The following COLGALT2 variants were observed in gnomAD, a reference collection of about 807,000 sequenced individuals.
The protein encoded by COLGALT2 is procollagen galactosyltransferase 2.
A neutral mutation model predicts 73.4 loss-of-function variants in COLGALT2; 49 were observed. That is an observed-to-expected ratio of 0.67 (90% CI 0.53 to 0.85). The LOEUF is 0.85. Ranked by LOEUF, COLGALT2 falls within the 40% of genes least tolerant of loss-of-function variation. The pLI is 0.00. For synonymous variants in COLGALT2, 295 were observed against 307.6 expected (o/e 0.96, Z 0.43); for missense variants, 722 against 790.2 (o/e 0.91, Z 1.03).
At chr1:183,939,610 C>T (rs1670054442) in intron 11 of COLGALT2, among the ~76,000 whole-genome samples, 1 of 152,174 alleles carries the variant, frequency 6.6e-6, no homozygotes, top group African/African-American at 2.4e-5. Context: ...AATGGTTTGA[C>T]CTCCATGTTT....
At chr1:184,008,532 C>A (rs1427266449) in intron 1 of COLGALT2, among the ~76,000 whole-genome samples, 1 of 152,010 alleles carries the variant, frequency 6.6e-6, no homozygotes, top group Non-Finnish European at 1.5e-5. Flanking sequence ...AAGTTTGAGA[C>A]CAGCCTGAGC....
chr1:183,939,564 A>G (rs1403029532), intron 11 of COLGALT2, among the ~76,000 whole-genome samples: 2 of 152,182 alleles, frequency 1.3e-5, no homozygotes, highest in African/African-American at 2.4e-5. Flanking sequence ...ATGAGGTGAC[A>G]TCTGAATGTA....
intron 10 of COLGALT2, among the ~76,000 whole-genome samples, chr1:183,943,897 G>C (rs1670180325): frequency 6.6e-6 from 1 of 152,142 alleles, no homozygotes; most frequent in Admixed American, 6.5e-5. Context: ...GATTTCTGCT[G>C]TGCTCCTAAG....
chr1:184,037,415 C>T lies in COLGALT2; in HGVS notation c.-58G>A, dbSNP rs114661926. Reference sequence around the variant, plus strand: ...TGGCGCGAGCGCCCGGCTGGGCTGCCTGAGGGCGGCGGCGGCTGCCGGGGA... The same window carrying T: ...TGGCGCGAGCGCCCGGCTGGGCTGCTTGAGGGCGGCGGCGGCTGCCGGGGA... On this transcript the variant is annotated 5_prime_UTR_variant, in exon 1 of 12. Transcript: ENST00000361927. 1.6e-5 allele frequency: 21 copies of T among 1,282,942 alleles called. No individual in the cohort carries two copies. In the South Asian group the frequency reaches 5.0e-4, roughly 30 times the overall value. The allele number at this position is 1,282,942 out of a possible 1,614,324, so 79.5% of individuals were successfully genotyped here. A position where few individuals can be genotyped will look rare whatever the true frequency, so the allele number is the denominator to read the frequency against.
At chr1:183,941,009 T>G (rs1378953107) in intron 10 of COLGALT2, among the ~76,000 whole-genome samples, 1 of 152,192 alleles carries the variant, frequency 6.6e-6, no homozygotes, top group Non-Finnish European at 1.5e-5. Context: ...ACACCCCCAC[T>G]ATTCCTGCCT....
At chr1:183,993,247 G>C (rs548547567) in intron 1 of COLGALT2, among the ~76,000 whole-genome samples, 1 of 152,348 alleles carries the variant, frequency 6.6e-6, no homozygotes, top group East Asian at 1.9e-4. Flanking sequence ...ATCAGATGCT[G>C]TTTGGTATTA....
intron 11 of COLGALT2, among the ~76,000 whole-genome samples, chr1:183,939,714 CT>C (rs1670057401): frequency 6.6e-6 from 1 of 152,160 alleles, no homozygotes; most frequent in African/African-American, 2.4e-5. Flanking sequence ...ACAAAATGAA[CT>C]GGTGGCAGCA....
chr1:183,995,806 G>T (rs1453020340), intron 1 of COLGALT2, among the ~76,000 whole-genome samples: 1 of 151,840 alleles, frequency 6.6e-6, no homozygotes, highest in Non-Finnish European at 1.5e-5. Flanking sequence ...CTTTTATGGG[G>T]TATTCTAATT....
chr1:184,013,113 A>G (rs1018600248), intron 1 of COLGALT2, among the ~76,000 whole-genome samples: 1 of 152,220 alleles, frequency 6.6e-6, no homozygotes, highest in Non-Finnish European at 1.5e-5. Context: ...TCAGGAGTTC[A>G]AGACCAGCTT....
chr1:183,950,898 C>T (rs1670377626), intron 8 of COLGALT2, 109 bp downstream of exon 8: 1 of 760,786 alleles, frequency 1.3e-6, no homozygotes, highest in South Asian at 1.8e-5. Context: ...ATAAGACTAT[C>T]CTCTAATGAC....
At chr1:183,994,747 C>T (rs2102833273) in intron 1 of COLGALT2, among the ~76,000 whole-genome samples, 1 of 152,302 alleles carries the variant, frequency 6.6e-6, no homozygotes, top group African/African-American at 2.4e-5. Context: ...AGCCACTGCG[C>T]CTGGCCTTAA....
chr1:183,965,180 C>G (rs1436098423), intron 5 of COLGALT2, among the ~76,000 whole-genome samples: 2 of 152,112 alleles, frequency 1.3e-5, no homozygotes, highest in Non-Finnish European at 2.9e-5. Flanking sequence ...TGCTGTTTGC[C>G]CATATGAATG....
At chr1:183,945,696 C>A in intron 8 of COLGALT2, 132 bp from the exon 9 acceptor site, 1 of 1,032,600 alleles carries the variant, frequency 9.7e-7, no homozygotes. Context: ...TCCCTTTATT[C>A]CTTAGAAGTT....
In COLGALT2 at chr1:183,936,276, G is replaced by A. The variant is rs902755985; in HGVS notation, c.*2485C>T. On this transcript the variant is annotated 3_prime_UTR_variant, in exon 12 of 12. Transcript: ENST00000361927. ...AGGGAGAGATAGGACAAATAATGAG[G>A]TCAAGGAACCTCTGGATTGCTGAAG... is the stretch of plus-strand genomic sequence containing the variant. 2 of 985,584 alleles carry A rather than the reference G, an allele frequency of 2.0e-6. No individual in the cohort carries two copies. The highest frequency in any genetic ancestry group is 3.5e-5 in the African/African-American group (2 of 57,200). 61.1% of individuals were successfully genotyped at this position (985,584 alleles called of 1,614,324 possible).
At chr1:183,954,090 G>A (rs971265539) in intron 7 of COLGALT2, among the ~76,000 whole-genome samples, 2 of 152,194 alleles carry the variant, frequency 1.3e-5, no homozygotes, top group Non-Finnish European at 2.9e-5. Context: ...GGACACCCAT[G>A]AGAGAGTCAG....
At chr1:183,954,908 T>C (rs891187158) in intron 6 of COLGALT2, 70 bp from the exon 7 acceptor site, 9 of 1,170,702 alleles carry the variant, frequency 7.7e-6, no homozygotes, top group Non-Finnish European at 1.0e-5. Flanking sequence ...TCCATCCGCA[T>C]GCCTGATCTC....
chr1:183,990,851 C>G (rs569767438), intron 1 of COLGALT2, among the ~76,000 whole-genome samples: 1 of 152,330 alleles, frequency 6.6e-6, no homozygotes, highest in South Asian at 2.1e-4. Flanking sequence ...GCACAGGACA[C>G]AGTGAAGAGG....
At chr1:183,975,823 G>C (rs1442801385) in intron 2 of COLGALT2, among the ~76,000 whole-genome samples, 3 of 152,174 alleles carry the variant, frequency 2.0e-5, no homozygotes, top group Non-Finnish European at 2.9e-5. Flanking sequence ...GTGGGTTGGA[G>C]CACGCTCCAA....
intron 4 of COLGALT2, among the ~76,000 whole-genome samples, chr1:183,972,921 A>G (rs189750144): frequency 5.0e-4 from 76 of 152,220 alleles, no homozygotes; most frequent in South Asian, 1.4e-3. Flanking sequence ...GGATGGTCTC[A>G]ATCTCCTGAC....
Sources: gnomAD v4.1 joint callset for allele counts (sites outside exome capture counted in the v4.1 genomes callset) on GRCh38, gnomAD v4.1.1 for gene constraint, MANE v1.5 for transcripts, NCBI Gene and HGNC (gene_info 2026-07-23, HGNC 2026-07-21) for gene names.